DGKK: variants seen among roughly 807,000 people sequenced by gnomAD.
DGKK encodes diacylglycerol kinase kappa.
Under a neutral mutation model 92.2 loss-of-function variants are expected in DGKK, and 35 were observed. That is an observed-to-expected ratio of 0.38 (90% confidence interval 0.29 to 0.50). The LOEUF (loss-of-function observed/expected upper bound fraction) is 0.50. DGKK is among the 20% of genes least tolerant of loss of function. DGKK has a pLI of 0.92. For synonymous variants in DGKK, 368 were observed against 360.6 expected, an observed-to-expected ratio of 1.02 and a Z score of -0.23; for missense variants, 910 against 992.2, an observed-to-expected ratio of 0.92 and a Z score of 1.11.
rs188771210 is a variant in DGKK at position 50,449,737 on chromosome X, C to T, written c.645+20297G>A. Among the ~76,000 whole-genome samples the T allele has an allele frequency of 4.5e-5, 5 of 111,332 alleles. No homozygotes were observed. The East Asian group carries it at 1.4e-3, about 32-fold the overall frequency. The stretch of plus-strand genomic sequence containing the variant: ...GTATAGAGGGCCCCAATAGCACCTA[C>T]GACTGAGTTGAAGCTTTCTTGACTG... On this transcript the variant is annotated intron_variant, in intron 1 of 27. Coordinates refer to ENST00000611977, the MANE Select transcript of DGKK (RefSeq NM_001013742.4).
In DGKK at chrX:50,384,829, A is replaced by G; in HGVS notation, c.2348-5T>C. The G allele has an allele frequency of 8.4e-7, 1 of 1,185,284 alleles. No individual in the cohort carries two copies. The highest frequency in any genetic ancestry group is 1.1e-6 in the Non-Finnish European group (1 of 876,311). On this transcript the variant is annotated splice_region_variant and splice_polypyrimidine_tract_variant and intron_variant, in intron 15 of 27. Transcript: ENST00000611977. ...GTCTGCTTTCCTCATCCAGAGCTAT[A>G]GAGAAAAGTGGGAGGAAGGAAAGCA...
chrX:50,434,983 G>A (rs1382477442), intron 1 of DGKK, among the ~76,000 whole-genome samples: 3 of 112,174 alleles, frequency 2.7e-5, no homozygotes, highest in Non-Finnish European at 5.6e-5. Flanking sequence ...ATACCTAGAT[G>A]GTATTGCCTA....
rs782499725 is a variant in DGKK, at chrX:50,368,782, G to C, written c.*158C>G. On this transcript the variant is annotated 3_prime_UTR_variant, in exon 28 of 28. Transcript: ENST00000611977. Reference sequence around the variant, plus strand: ...GAAATGTAAACCTCTAAGGAGACCAGATTAAGTCCAGGAAAATGCATTAGT... The same window carrying C: ...GAAATGTAAACCTCTAAGGAGACCACATTAAGTCCAGGAAAATGCATTAGT... 7 of 455,936 alleles carry C rather than the reference G, an allele frequency of 1.5e-5. No individual in the cohort carries two copies. In the African/African-American group the frequency reaches 1.7e-4, roughly 11 times the overall value. 37.6% of individuals were successfully genotyped at this position (455,936 alleles called of 1,213,427 possible). A position where few individuals can be genotyped will look rare whatever the true frequency, so the allele number is the denominator to read the frequency against.
At chrX:50,385,960 C>G (rs1422431736) in intron 15 of DGKK, among the ~76,000 whole-genome samples, 3 of 111,778 alleles carry the variant, frequency 2.7e-5, no homozygotes, top group Non-Finnish European at 5.6e-5. Flanking sequence ...CAGAGTTGAA[C>G]ACCATTTTCT....
intron 1 of DGKK, among the ~76,000 whole-genome samples, chrX:50,434,241 T>C (rs1925962018): frequency 9.0e-6 from 1 of 111,565 alleles, no homozygotes; most frequent in Non-Finnish European, 1.9e-5. Context: ...TCTTCAACCC[T>C]CCTTCTCCAA....
intron 1 of DGKK, among the ~76,000 whole-genome samples, chrX:50,425,357 T>TA (rs111739972): frequency 0.041 from 4,469 of 110,008 alleles, 188 homozygotes; most frequent in African/African-American, 0.13. Flanking sequence ...TTCTTTTTTT[T>TA]TAAAAAAAAT....
At chrX:50,413,207 A>G (rs1006711091) in intron 4 of DGKK, among the ~76,000 whole-genome samples, 1 of 111,271 alleles carries the variant, frequency 9.0e-6, no homozygotes, top group African/African-American at 3.3e-5. Context: ...TAAAAAATCA[A>G]TTCAAAGTGG....
At chrX:50,435,202 C>G (rs1344701283) in intron 1 of DGKK, among the ~76,000 whole-genome samples, 9 of 112,490 alleles carry the variant, frequency 8.0e-5, no homozygotes, top group Non-Finnish European at 1.3e-4. Flanking sequence ...GCAGCGCATG[C>G]CTGTATGTAA....
chrX:50,390,852 T>A (rs887904360), intron 11 of DGKK, among the ~76,000 whole-genome samples: 15 of 112,010 alleles, frequency 1.3e-4, no homozygotes, highest in Non-Finnish European at 2.8e-4. Context: ...AGTCTTTTTT[T>A]CCTCAGGAGA....
At chrX:50,374,662 C>T (rs1203537508) in intron 25 of DGKK, among the ~76,000 whole-genome samples, 3 of 111,195 alleles carry the variant, frequency 2.7e-5, no homozygotes, top group African/African-American at 9.8e-5. Flanking sequence ...AATAGCTCAC[C>T]TTTTTCTACT....
At chrX:50,398,799 T>C (rs1924921025) in intron 8 of DGKK, among the ~76,000 whole-genome samples, 1 of 112,029 alleles carries the variant, frequency 8.9e-6, no homozygotes, top group Non-Finnish European at 1.9e-5. Flanking sequence ...GTGGGCCATC[T>C]GCTTAAAGAC....
intron 10 of DGKK, 55 bp from the exon 11 acceptor site, chrX:50,391,631 C>A: frequency 1.7e-6 from 2 of 1,170,187 alleles, no homozygotes; most frequent in East Asian, 3.0e-5. Context: ...CAAGCTTCAC[C>A]CATGAAGGAA....
intron 8 of DGKK, among the ~76,000 whole-genome samples, chrX:50,396,432 A>T (rs1454790225): frequency 8.9e-6 from 1 of 112,166 alleles, no homozygotes; most frequent in Non-Finnish European, 1.9e-5. Context: ...TTTTTAAAAA[A>T]CTGAACCATG....
intron 1 of DGKK, among the ~76,000 whole-genome samples, chrX:50,436,405 T>C (rs1926026565): frequency 8.9e-6 from 1 of 111,918 alleles, no homozygotes; most frequent in Admixed American, 9.5e-5. Context: ...AAATCTCTCT[T>C]GAGGTTTCAC....
At chrX:50,462,096 C>T (rs1429016475) in intron 1 of DGKK, among the ~76,000 whole-genome samples, 1 of 111,472 alleles carries the variant, frequency 9.0e-6, no homozygotes, top group Non-Finnish European at 1.9e-5. Flanking sequence ...AATGACGCAG[C>T]GAATTCCCAA....
At chrX:50,468,035 C>T (rs1214314984) in intron 1 of DGKK, among the ~76,000 whole-genome samples, 1 of 112,136 alleles carries the variant, frequency 8.9e-6, no homozygotes, top group African/African-American at 3.2e-5. Context: ...ATCCTGGTCT[C>T]CTGCCAGTGT....
At chrX:50,442,872 A>G (rs187095935) in intron 1 of DGKK, among the ~76,000 whole-genome samples, 32 of 109,943 alleles carry the variant, frequency 2.9e-4, no homozygotes, top group Admixed American at 1.9e-3. Context: ...TCAATTCCTT[A>G]TGGTTACAAG....
intron 1 of DGKK, among the ~76,000 whole-genome samples, chrX:50,443,510 A>C (rs1926215377): frequency 9.0e-6 from 1 of 111,334 alleles, no homozygotes; most frequent in Admixed American, 9.6e-5. Flanking sequence ...CACTATTGCT[A>C]TTTTTAAAAA....
At chrX:50,441,126 A>G (rs1050249144) in intron 1 of DGKK, among the ~76,000 whole-genome samples, 15 of 111,263 alleles carry the variant, frequency 1.3e-4, no homozygotes, top group Non-Finnish European at 2.1e-4. Context: ...ATTTTTACCC[A>G]GGAGTAGCAA....
Sources: gnomAD v4.1 joint callset for allele counts (sites outside exome capture counted in the v4.1 genomes callset) on GRCh38, gnomAD v4.1.1 for gene constraint, MANE v1.5 for transcripts, NCBI Gene and HGNC (gene_info 2026-07-23, HGNC 2026-07-21) for gene names.